DUOX1: variants seen among roughly 807,000 people sequenced by gnomAD.
DUOX1 encodes the protein NADPH thyroid oxidase 1.
In DUOX1, 134 loss-of-function variants were observed where a neutral mutation model predicts 181.8. The ratio of observed to expected loss-of-function variants is 0.74; its 90% CI spans 0.64 to 0.85. DUOX1 has a LOEUF of 0.85. Among genes scored for constraint, DUOX1 ranks in the 40% least tolerant of loss-of-function variants. DUOX1 has a pLI of 0.00. For synonymous variants in DUOX1, 798 were observed against 832.5 expected, an observed-to-expected ratio of 0.96 and a Z score of 0.71; for missense variants, 1,814 against 2,064.4, an observed-to-expected ratio of 0.88 and a Z score of 2.35.
chr15:45,164,691 G>C lies in DUOX1; in HGVS notation c.4534-88G>C, dbSNP rs1478974506. 4.7e-6 allele frequency: 7 copies of C among 1,493,418 alleles called. No individual in the cohort carries two copies. The East Asian group carries it at 1.6e-4, about 34-fold the overall frequency. The allele number at this position is 1,493,418 out of a possible 1,614,324, so 92.5% of individuals were successfully genotyped here. On this transcript the variant is annotated intron_variant, in intron 33 of 33. Transcript: ENST00000389037. ...TTGCTATGTTGCCCAGGCTGGTCTTGAACTAGGGAGCTACCCCTTCCTCTG... is the reference window on the plus strand; with the variant it reads ...TTGCTATGTTGCCCAGGCTGGTCTTCAACTAGGGAGCTACCCCTTCCTCTG...
chr15:45,132,056 G>C, intron 2 of DUOX1, 32 bp downstream of exon 2: 1 of 1,567,730 alleles, frequency 6.4e-7, no homozygotes, highest in Non-Finnish European at 8.6e-7. Flanking sequence ...AGCATGGTTA[G>C]GAGCAGAGGA....
chr15:45,165,289 A>C lies in DUOX1; in HGVS notation c.*388A>C. ...GTGTAAGGATGCAGTGGGAGCATGGATGCTGGCATCTTAGAACCCTCCCTA... is the reference window on the plus strand; with the variant it reads ...GTGTAAGGATGCAGTGGGAGCATGGCTGCTGGCATCTTAGAACCCTCCCTA... On this transcript the variant is annotated 3_prime_UTR_variant, in exon 34 of 34. Coordinates refer to ENST00000389037, the MANE Select transcript of DUOX1 (RefSeq NM_175940.3). The C allele has an allele frequency of 5.5e-6, 1 of 182,926 alleles. No homozygotes were observed. The highest frequency in any genetic ancestry group is 1.1e-5 in the Non-Finnish European group (1 of 88,542). 11.3% of individuals were successfully genotyped at this position (182,926 alleles called of 1,614,324 possible).
chr15:45,153,301 G>T (rs1648304), intron 25 of DUOX1, 79 bp from the exon 26 acceptor site: 2 of 1,068,486 alleles, frequency 1.9e-6, no homozygotes, highest in Admixed American at 1.7e-5. Context: ...CTCTGGCCAG[G>T]GTCCTCGATC....
At chr15:45,141,446 T>C in intron 14 of DUOX1, 36 bp downstream of exon 14, 1 of 1,603,794 alleles carries the variant, frequency 6.2e-7, no homozygotes, top group Non-Finnish European at 8.5e-7. Context: ...GAGTGGTGGG[T>C]CTGGAGCCTC....
In DUOX1 at chr15:45,164,843, G is replaced by T; in HGVS notation, c.4598G>T (p.Cys1533Phe). ...PGMTKNVEKACQLINRQDRTH... is the reference protein window; with the variant it reads ...PGMTKNVEKAFQLINRQDRTH... ...ATGACCAAGAATGTGGAAAAGGCCTGTCAGCTCATCAACAGGCAGGACCGG... is the reference window on the plus strand; with the variant it reads ...ATGACCAAGAATGTGGAAAAGGCCTTTCAGCTCATCAACAGGCAGGACCGG... Residue 1533 changes from cysteine to phenylalanine, a missense_variant, in exon 34 of 34, where the codon TGT becomes TTT. Cys to Phe is a radical substitution (Grantham distance 205). Transcript: ENST00000389037. The T allele has an allele frequency of 6.2e-7, 1 of 1,614,154 alleles. No individual in the cohort carries two copies. The highest frequency in any genetic ancestry group is 8.5e-7 in the Non-Finnish European group (1 of 1,180,002).
chr15:45,154,094 C>T, intron 27 of DUOX1, 94 bp downstream of exon 27: 1 of 1,183,740 alleles, frequency 8.4e-7, no homozygotes, highest in Non-Finnish European at 1.3e-6. Flanking sequence ...CGTTCACTCA[C>T]TCAGCTCTTC....
chr15:45,159,686 G>T (rs1054534769), intron 28 of DUOX1, among the ~76,000 whole-genome samples: 1 of 152,172 alleles, frequency 6.6e-6, no homozygotes, highest in Non-Finnish European at 1.5e-5. Context: ...GACTAGTTAG[G>T]TATTCTTAGC....
intron 20 of DUOX1, 30 bp from the exon 21 acceptor site, chr15:45,148,242 G>A: frequency 1.2e-6 from 2 of 1,613,308 alleles, no homozygotes; most frequent in Non-Finnish European, 1.7e-6. Context: ...CCCCAGTCAG[G>A]GCCGGATGGT....
In DUOX1 at chr15:45,165,214, C is replaced by T. The variant is rs763582740; in HGVS notation, c.*313C>T. 1.1e-5 allele frequency: 5 copies of T among 441,668 alleles called. No homozygotes were observed. The highest frequency in any genetic ancestry group is 1.7e-5 in the Non-Finnish European group (4 of 241,610). The allele number at this position is 441,668 out of a possible 1,614,324, so 27.4% of individuals were successfully genotyped here. A position where few individuals can be genotyped will look rare whatever the true frequency, so the allele number is the denominator to read the frequency against. ...AAACAAATCTCAGAAGACAAGCTGA[C>T]CTGACAAGTACTATGTGTGTGCATG... On this transcript the variant is annotated 3_prime_UTR_variant, in exon 34 of 34. Coordinates refer to ENST00000389037, the MANE Select transcript of DUOX1 (RefSeq NM_175940.3).
At chr15:45,134,103 C>A (rs748188823) in intron 3 of DUOX1, 42 bp from the exon 4 acceptor site, 42 of 1,534,992 alleles carry the variant, frequency 2.7e-5, no homozygotes, top group Non-Finnish European at 3.6e-5. Context: ...GTCAAGAATG[C>A]CCCCTGAAGA....
chr15:45,143,245 G>A lies in DUOX1; in HGVS notation c.1878G>A (p.Arg626=). 6.2e-7 allele frequency: 1 copy of A among 1,614,124 alleles called. No individual in the cohort carries two copies. The highest frequency in any genetic ancestry group is 2.2e-5 in the East Asian group (1 of 44,878). The change falls in exon 16 of 34, where the codon AGG becomes AGA. Residue 626 remains arginine, a synonymous_variant. Coordinates refer to ENST00000389037, the MANE Select transcript of DUOX1 (RefSeq NM_175940.3). ...GGCTCCGGATGAGAAATTTCAAGAGGCTCCAGGGCCAGGACCGCCAGAGCA... is the reference window on the plus strand; with the variant it reads ...GGCTCCGGATGAGAAATTTCAAGAGACTCCAGGGCCAGGACCGCCAGAGCA... The part of the protein sequence containing the change: ...VARLRMRNFK[R]LQGQDRQSIV...
intron 12 of DUOX1, chr15:45,140,008 A>C: frequency 8.1e-7 from 1 of 1,238,796 alleles, no homozygotes; most frequent in East Asian, 4.2e-5. Flanking sequence ...CTGGTGGCCC[A>C]GGCCAAGGTA....
chr15:45,150,531 A>G, intron 21 of DUOX1, 101 bp from the exon 22 acceptor site: 3 of 1,118,660 alleles, frequency 2.7e-6, no homozygotes, highest in Non-Finnish European at 4.0e-6. Context: ...GGGACTGTCT[A>G]CTGTGCCTGA....
chr15:45,162,046 C>T, intron 30 of DUOX1, 76 bp downstream of exon 30: 3 of 1,481,838 alleles, frequency 2.0e-6, no homozygotes, highest in Non-Finnish European at 2.8e-6. Flanking sequence ...CACTAGACTC[C>T]CCGCTCTGTG....
chr15:45,150,754 T>C, intron 22 of DUOX1, 53 bp downstream of exon 22: 1 of 1,565,704 alleles, frequency 6.4e-7, no homozygotes, highest in Non-Finnish European at 8.8e-7. Flanking sequence ...TTGCCATTTC[T>C]CTCCCCTGAA....
rs371617496 is a variant in DUOX1, at chr15:45,164,895, C to T, written c.4650C>T (p.Asn1550=). The change falls in exon 34 of 34, where the codon AAC becomes AAT. Residue 1550 remains asparagine, a synonymous_variant. Coordinates refer to ENST00000389037, the MANE Select transcript of DUOX1 (RefSeq NM_175940.3). ...CTCACTTCTCCCACCATTATGAGAA[C>T]TTCTAGGCCCCTGCCCGGGGGTTCT... ...DRTHFSHHYE[N]F 7 of 1,613,994 alleles carry T rather than the reference C, an allele frequency of 4.3e-6. 1 individual carries two copies. The South Asian group carries it at 5.5e-5, about 13-fold the overall frequency.
Position 45,161,762 on chromosome 15 carries a change from G to A in DUOX1, c.3881G>A (p.Arg1294Gln), listed in dbSNP as rs746050550. ...GGAGTGACCCACCTGCGGTTCCAGCGGCCCCAGGGCTTTGAGTACAAGTCA... is the reference window on the plus strand; with the variant it reads ...GGAGTGACCCACCTGCGGTTCCAGCAGCCCCAGGGCTTTGAGTACAAGTCA... ...PSGVTHLRFQ[R>Q]PQGFEYKSGQ... Residue 1294 changes from arginine (R) to glutamine (Q), a missense_variant, in exon 30 of 34, where the codon CGG (arginine) becomes CAG (glutamine). Transcript: ENST00000389037. 1.6e-5 allele frequency: 26 copies of A among 1,613,658 alleles called. No homozygotes were observed. The highest frequency in any genetic ancestry group is 5.3e-5 in the African/African-American group (4 of 74,886).
In DUOX1 at chr15:45,152,330, C is replaced by T. The variant is rs765727388; in HGVS notation, c.3238C>T (p.Arg1080Cys). The T allele has an allele frequency of 8.7e-6, 14 of 1,614,080 alleles. No individual in the cohort carries two copies. Among genetic ancestry groups the T allele is most frequent in the Non-Finnish European group, 1.1e-5 (13 of 1,180,040 alleles). ...TCACACGGGCATCACAGACACCACC[C>T]GCGTGGGAATCATCCTGTCGCGGGG... ...AHHTGITDTT[R>C]VGIILSRGTA... The change falls in exon 25 of 34, where the codon CGC becomes TGC. Residue 1080 changes from arginine to cysteine, a missense_variant. Physicochemically the swap from Arg to Cys is radical, Grantham distance 180. Coordinates refer to ENST00000389037, the MANE Select transcript of DUOX1 (RefSeq NM_175940.3).
chr15:45,147,911 T>C lies in DUOX1; in HGVS notation c.2556T>C (p.Pro852=), dbSNP rs1324626687. 5.6e-6 allele frequency: 9 copies of C among 1,613,852 alleles called. No individual in the cohort carries two copies. The highest frequency in any genetic ancestry group is 1.1e-5 in the South Asian group (1 of 91,084). ...GAGTCCTCCCTCTCCCAGGCTCTCC[T>C]GAGGAAAAGTCTCGCCTTATGTTCC... ...DILVVFMKGS[P]EEKSRLMFRM... Residue 852 remains proline, a synonymous_variant, in exon 20 of 34, where the codon CCT becomes CCC. Coordinates refer to ENST00000389037, the MANE Select transcript of DUOX1 (RefSeq NM_175940.3).
Sources: allele counts gnomAD v4.1 joint callset (sites outside exome capture counted in the v4.1 genomes callset), GRCh38; gene constraint gnomAD v4.1.1; transcripts MANE v1.5; gene names NCBI Gene and HGNC (gene_info 2026-07-23, HGNC 2026-07-21).